BMP7: variants seen among roughly 807,000 people sequenced by gnomAD.
The protein encoded by BMP7 is osteogenic protein 1.
In BMP7, 12 loss-of-function variants were observed where a neutral mutation model predicts 41.2. The ratio of observed to expected loss-of-function variants is 0.29; its 90% CI spans 0.19 to 0.47. The LOEUF (loss-of-function observed/expected upper bound fraction) is 0.47, where lower values mean the gene tolerates loss of function less well. BMP7 is among the 20% of genes least tolerant of loss of function. The pLI, the probability that BMP7 is intolerant of heterozygous loss-of-function variation, is 0.99. For missense variants in BMP7, 467 were observed against 606.0 expected (o/e 0.77, Z 2.41); for synonymous variants, 248 against 250.0 (o/e 0.99, Z 0.07).
rs763148101 is a variant in BMP7 at position 57,183,939 on chromosome 20, G to A, written c.761-20C>T. 6.2e-7 allele frequency: 1 copy of A among 1,611,682 alleles called. No individual in the cohort carries two copies. Among genetic ancestry groups the A allele is most frequent in the South Asian group, 1.1e-5 (1 of 90,968 alleles). Reference sequence around the variant, plus strand: ...TCTGCCCTGGACAGGAAGCAGCCAAGTGCACAGAAGAGTAGTTACAGGAGG... The same window carrying A: ...TCTGCCCTGGACAGGAAGCAGCCAAATGCACAGAAGAGTAGTTACAGGAGG... On this transcript the variant is annotated intron_variant, in intron 3 of 6. Transcript: ENST00000395863.
chr20:57,212,051 G>T (rs918444035), intron 2 of BMP7, among the ~76,000 whole-genome samples: 2 of 152,236 alleles, frequency 1.3e-5, no homozygotes. Flanking sequence ...GGCAGCCAGA[G>T]ATGGAGCTCC....
At chr20:57,219,896 G>C (rs1985148941) in intron 2 of BMP7, among the ~76,000 whole-genome samples, 1 of 152,206 alleles carries the variant, frequency 6.6e-6, no homozygotes, top group Non-Finnish European at 1.5e-5. Context: ...GAGCTTTGGA[G>C]AAACCTGACC....
rs777464786 is a variant in BMP7, at chr20:57,265,790, G to A, written c.333C>T (p.Phe111=). The change falls in exon 1 of 7, where the codon TTC becomes TTT. Residue 111 remains phenylalanine (F), a synonymous_variant. Coordinates refer to ENST00000395863, the MANE Select transcript of BMP7 (RefSeq NM_001719.3). ...TGGCCAGAGGGGGGCCCTGGGTACT[G>A]AAGACGGCCTTGTAGGGGTAGGAGA... ...QGFSYPYKAV[F]STQGPPLASL... is the part of the protein sequence containing the mutation. The A allele has an allele frequency of 1.5e-5, 24 of 1,609,890 alleles. No homozygotes were observed. In the South Asian group the frequency reaches 2.3e-4, roughly 16 times the overall value.
rs111486536 is a variant in BMP7 at position 57,193,327 on chromosome 20, T to C, written c.760+9148A>G. 3.3e-3 allele frequency among the ~76,000 whole-genome samples: 498 copies of C among 152,302 alleles called. 3 individuals are homozygous for C. The highest frequency in any genetic ancestry group is 0.011 in the African/African-American group (476 of 41,574). On this transcript the variant is annotated intron_variant, in intron 3 of 6. Transcript: ENST00000395863. ...TGGCAATGTTTGAGACATTTTTGGT[T>C]GTCGTAACTGAGCAGTTGCTACTGG...
At position 57,228,698 on chromosome 20, in the gene BMP7, G is replaced by T. The variant is rs564681229; in HGVS notation, c.419-277C>A. Among the ~76,000 whole-genome samples, 1 of 152,192 alleles carries T rather than the reference G, an allele frequency of 6.6e-6. No individual in the cohort carries two copies. ...GGGCACTAACCACAGCCATCCAAGA[G>T]GTCCTGGCCAGACTCAGGTCCCAGG... On this transcript the variant is annotated intron_variant, in intron 1 of 6. Coordinates refer to ENST00000395863, the MANE Select transcript of BMP7 (RefSeq NM_001719.3). The surrounding 1 kb of genome is among the most constrained non-coding windows in gnomAD (Gnocchi z 4.5).
intron 2 of BMP7, among the ~76,000 whole-genome samples, chr20:57,203,411 G>A (rs900801634): frequency 1.2e-4 from 18 of 152,070 alleles, no homozygotes; most frequent in African/African-American, 4.3e-4. Context: ...GTACGTGGGT[G>A]AATGAGTGGA....
chr20:57,173,579 G>A (rs1484731922), intron 5 of BMP7: 11 of 566,568 alleles, frequency 1.9e-5, no homozygotes, highest in East Asian at 1.2e-4. Flanking sequence ...TCAAAGCTGC[G>A]GTGAGCTATG....
chr20:57,249,800 G>T lies in BMP7; in HGVS notation c.418+15905C>A, dbSNP rs114647086. 1.1e-3 allele frequency among the ~76,000 whole-genome samples: 168 copies of T among 152,330 alleles called. 1 individual carries two copies. The highest frequency in any genetic ancestry group is 4.0e-3 in the African/African-American group (165 of 41,574). On this transcript the variant is annotated intron_variant, in intron 1 of 6. Transcript: ENST00000395863. Reference sequence around the variant, plus strand: ...GAGCCTAGAAGAGGCTCTGCAGCGAGACTGGACCCCCAAGGCAGCCAGGAG... The same window carrying T: ...GAGCCTAGAAGAGGCTCTGCAGCGATACTGGACCCCCAAGGCAGCCAGGAG...
At chr20:57,208,724 T>A (rs6025441) in intron 2 of BMP7, among the ~76,000 whole-genome samples, 2,086 of 152,314 alleles carry the variant, frequency 0.014, 49 homozygotes, top group African/African-American at 0.048. Context: ...TACAGTCAAT[T>A]GATACAATGG....
chr20:57,225,668 A>G (rs1022331187), intron 2 of BMP7, among the ~76,000 whole-genome samples: 4 of 152,220 alleles, frequency 2.6e-5, no homozygotes, highest in Non-Finnish European at 5.9e-5. Context: ...CTAGGTTGAA[A>G]AACAAAACAA....
intron 2 of BMP7, among the ~76,000 whole-genome samples, chr20:57,218,213 C>T (rs1985079630): frequency 6.6e-6 from 1 of 152,270 alleles, no homozygotes; most frequent in Admixed American, 6.5e-5. Flanking sequence ...GAAGGTGACA[C>T]AACCAGTCCT....
chr20:57,169,531 C>T lies in BMP7; in HGVS notation c.*1428G>A, dbSNP rs1474415836. ...ATTTGCAATGTAAGTCCAGCACATC[C>T]TGCACCCATCAGACCTCCTATTATG... On this transcript the variant is annotated 3_prime_UTR_variant, in exon 7 of 7. Coordinates refer to ENST00000395863, the MANE Select transcript of BMP7 (RefSeq NM_001719.3). The T allele has an allele frequency of 1.3e-5, 2 of 152,258 alleles. No homozygotes were observed. The highest frequency in any genetic ancestry group is 4.8e-5 in the African/African-American group (2 of 41,460). 9.4% of individuals were successfully genotyped at this position (152,258 alleles called of 1,614,324 possible).
chr20:57,237,300 C>A (rs1325007691), intron 1 of BMP7, among the ~76,000 whole-genome samples: 1 of 152,210 alleles, frequency 6.6e-6, no homozygotes, highest in African/African-American at 2.4e-5. Flanking sequence ...GACCCGAGGA[C>A]TGCTCAGGGC....
chr20:57,221,811 CAAA>C (rs57893562), intron 2 of BMP7, among the ~76,000 whole-genome samples: 6 of 127,628 alleles, frequency 4.7e-5, no homozygotes, highest in African/African-American at 1.6e-4. Context: ...CCCTATCTCT[CAAA>C]AAAAAAAAAA....
chr20:57,242,412 C>T (rs940955235), intron 1 of BMP7, among the ~76,000 whole-genome samples: 60 of 152,204 alleles, frequency 3.9e-4, no homozygotes, highest in Non-Finnish European at 8.4e-4. Context: ...GAGCTGTGAG[C>T]TGGCTGGTAT....
At chr20:57,187,309 C>T (rs888609169) in intron 3 of BMP7, among the ~76,000 whole-genome samples, 1 of 152,230 alleles carries the variant, frequency 6.6e-6, no homozygotes, top group Admixed American at 6.5e-5. Flanking sequence ...TGCCATGAGA[C>T]TCATCTGTCC....
chr20:57,190,674 C>G (rs1030593835), intron 3 of BMP7, among the ~76,000 whole-genome samples: 2 of 152,040 alleles, frequency 1.3e-5, no homozygotes, highest in African/African-American at 2.4e-5. Context: ...GAAGCGCGTC[C>G]GCTCCTGCCC....
intron 2 of BMP7, among the ~76,000 whole-genome samples, chr20:57,218,684 C>T (rs1462413821): frequency 1.4e-5 from 2 of 141,016 alleles, no homozygotes; most frequent in African/African-American, 5.4e-5. Flanking sequence ...TCAGTGATAG[C>T]TGGTGTTTGG....
At chr20:57,239,408 GCT>G (rs1396335857) in intron 1 of BMP7, among the ~76,000 whole-genome samples, 2 of 152,322 alleles carry the variant, frequency 1.3e-5, no homozygotes, top group East Asian at 3.9e-4. Context: ...CACCCCTGTG[GCT>G]TTGCAGGGTA....
Sources: gnomAD v4.1 joint callset for allele counts (sites outside exome capture counted in the v4.1 genomes callset) on GRCh38, gnomAD v4.1.1 for gene constraint, Gnocchi (gnomAD v3.1) non-coding constraint, MANE v1.5 for transcripts, NCBI Gene and HGNC (gene_info 2026-07-23, HGNC 2026-07-21) for gene names.